Variants in ADAMTS18 observed in about 807,000 individuals in gnomAD.
The protein encoded by ADAMTS18 is A disintegrin and metalloproteinase with thrombospondin motifs 18.
A neutral mutation model predicts 165.9 loss-of-function variants in ADAMTS18; 157 were observed. The observed-to-expected ratio is 0.95, with a 90% CI of 0.83 to 1.08. The LOEUF (loss-of-function observed/expected upper bound fraction) is 1.08, where lower values mean the gene tolerates loss of function less well. Ranked by LOEUF, ADAMTS18 falls within the 50% of genes least tolerant of loss-of-function variation. The probability of loss-of-function intolerance (pLI) is 0.00; values close to 1 mark genes in which losing one functional copy is unlikely to be tolerated. For synonymous variants in ADAMTS18, 782 were observed against 578.2 expected (o/e 1.35, Z -5.06); for missense variants, 2,040 against 1,534.0 (o/e 1.33, Z -5.51).
At chr16:77,290,077 C>T (rs1045693901) in intron 21 of ADAMTS18, among the ~76,000 whole-genome samples, 16 of 152,014 alleles carry the variant, frequency 1.1e-4, no homozygotes, top group African/African-American at 3.9e-4. Flanking sequence ...AAAGTTACTA[C>T]ATTAATTTTT....
At chr16:77,367,152 AATCTAGGT>A (rs1179328398) in intron 4 of ADAMTS18, among the ~76,000 whole-genome samples, 2 of 152,138 alleles carry the variant, frequency 1.3e-5, no homozygotes, top group African/African-American at 4.8e-5. Context: ...TGTCATTGGA[AATCTAGGT>A]ACTTTTCTCG....
intron 20 of ADAMTS18, among the ~76,000 whole-genome samples, chr16:77,291,887 A>G (rs754065685): frequency 2.0e-5 from 3 of 152,222 alleles, no homozygotes; most frequent in Non-Finnish European, 2.9e-5. Flanking sequence ...GGTAAGGGCC[A>G]GAGAAAAGGA....
At chr16:77,326,823 G>A (rs548697572) in intron 12 of ADAMTS18, among the ~76,000 whole-genome samples, 2 of 152,288 alleles carry the variant, frequency 1.3e-5, no homozygotes, top group South Asian at 2.1e-4. Context: ...CATCACCCAG[G>A]TAATAAGCAT....
At chr16:77,385,008 C>G (rs1386967286) in intron 3 of ADAMTS18, among the ~76,000 whole-genome samples, 1 of 151,568 alleles carries the variant, frequency 6.6e-6, no homozygotes, top group Non-Finnish European at 1.5e-5. Context: ...TTCCCAGGTT[C>G]AAGCATTCTC....
chr16:77,283,893 C>G lies in ADAMTS18; in HGVS notation c.*63G>C, dbSNP rs1357543299. 19 of 1,288,734 alleles carry G rather than the reference C, an allele frequency of 1.5e-5. No homozygotes were observed. The highest frequency in any genetic ancestry group is 2.4e-5 in the South Asian group (2 of 84,278). 79.8% of individuals were successfully genotyped at this position (1,288,734 alleles called of 1,614,324 possible). A position where few individuals can be genotyped will look rare whatever the true frequency, so the allele number is the denominator to read the frequency against. ...GCTCAGCTCCTGGTCTCAAAGGCAG[C>G]TGGTCTCTCTAGAGGTTGAAAGGTA... On this transcript the variant is annotated 3_prime_UTR_variant, in exon 23 of 23. Transcript: ENST00000282849.
chr16:77,419,458 A>G (rs1025000301), intron 3 of ADAMTS18, among the ~76,000 whole-genome samples: 1 of 152,094 alleles, frequency 6.6e-6, no homozygotes, highest in Non-Finnish European at 1.5e-5. Flanking sequence ...AAAGTCCACA[A>G]TGGAGAATTT....
At chr16:77,361,582 G>T (rs1253477256) in intron 7 of ADAMTS18, among the ~76,000 whole-genome samples, 1 of 152,088 alleles carries the variant, frequency 6.6e-6, no homozygotes, top group Non-Finnish European at 1.5e-5. Flanking sequence ...TCATCAGTAG[G>T]ATCAATAAAG....
chr16:77,282,906 C>CTTTTTTTTTTTTTTTT lies in ADAMTS18; in HGVS notation c.*1034_*1049dup, dbSNP rs1555507097. 1 of 77,582 alleles carries CTTTTTTTTTTTTTTTT rather than the reference C, an allele frequency of 1.3e-5. No individual in the cohort carries two copies. Among genetic ancestry groups the CTTTTTTTTTTTTTTTT allele is most frequent in the African/African-American group, 4.1e-5 (1 of 24,644 alleles). The allele number at this position is 77,582 out of a possible 1,614,324, so 4.8% of individuals were successfully genotyped here. ...CCACTGTTTACTCCTTTCTTTCTCT[C>CTTTTTTTTTTTTTTTT]TTTTTTTTTTTTTTTTTTTTGCTGT... On this transcript the variant is annotated 3_prime_UTR_variant, in exon 23 of 23. Transcript: ENST00000282849.
At chr16:77,360,231 A>G (rs1228941474) in intron 7 of ADAMTS18, among the ~76,000 whole-genome samples, 2 of 152,226 alleles carry the variant, frequency 1.3e-5, no homozygotes. Flanking sequence ...GATCATTATC[A>G]TTACTACCAT....
chr16:77,333,738 T>C lies in ADAMTS18; in HGVS notation c.1859+2018A>G, dbSNP rs551914821. On this transcript the variant is annotated intron_variant, in intron 12 of 22. Transcript: ENST00000282849. ...ATAAGTAAAGAAAATATGGCACATA[T>C]CCATAATTGAACAGTGTGCCATGTT... 4.7e-5 allele frequency among the ~76,000 whole-genome samples: 7 copies of C among 150,442 alleles called. No individual in the cohort carries two copies. In the East Asian group the frequency reaches 1.4e-3, roughly 29 times the overall value.
At chr16:77,390,722 C>A (rs1407593341) in intron 3 of ADAMTS18, among the ~76,000 whole-genome samples, 3 of 151,686 alleles carry the variant, frequency 2.0e-5, no homozygotes, top group African/African-American at 7.3e-5. Flanking sequence ...AGAAGAATCA[C>A]CCAGCCCTGA....
chr16:77,378,843 A>C (rs1377833838), intron 3 of ADAMTS18: 1 of 152,332 alleles, frequency 6.6e-6, no homozygotes. Flanking sequence ...AGAAGTCAAG[A>C]AGTCTGGCCT....
chr16:77,391,148 T>C (rs897216549), intron 3 of ADAMTS18, among the ~76,000 whole-genome samples: 5 of 152,044 alleles, frequency 3.3e-5, no homozygotes, highest in Non-Finnish European at 1.5e-5. Context: ...GCACAAATAG[T>C]TTGGAAGAGA....
chr16:77,423,589 G>C (rs575195118), intron 3 of ADAMTS18, among the ~76,000 whole-genome samples: 5 of 152,140 alleles, frequency 3.3e-5, no homozygotes, highest in Non-Finnish European at 5.9e-5. Context: ...CCAGGATAAA[G>C]AGTTTTCCCT....
At chr16:77,351,369 A>G (rs1479166135) in intron 10 of ADAMTS18, among the ~76,000 whole-genome samples, 1 of 152,174 alleles carries the variant, frequency 6.6e-6, no homozygotes, top group Non-Finnish European at 1.5e-5. Flanking sequence ...GACCATCAGA[A>G]TGAGAAGCTG....
At chr16:77,287,611 A>G (rs993139848) in intron 22 of ADAMTS18, among the ~76,000 whole-genome samples, 2 of 152,046 alleles carry the variant, frequency 1.3e-5, no homozygotes, top group Non-Finnish European at 1.5e-5. Flanking sequence ...AGCTAGGCCT[A>G]CGGGCACCTG....
At chr16:77,304,307 A>T (rs1032943532) in intron 16 of ADAMTS18, among the ~76,000 whole-genome samples, 3 of 152,164 alleles carry the variant, frequency 2.0e-5, no homozygotes, top group Admixed American at 1.3e-4. Flanking sequence ...ATAAAATTTT[A>T]AAAAACTAGC....
At chr16:77,400,771 T>C (rs372493945) in intron 3 of ADAMTS18, among the ~76,000 whole-genome samples, 12 of 152,004 alleles carry the variant, frequency 7.9e-5, no homozygotes, top group African/African-American at 2.9e-4. Flanking sequence ...GCCTGGCCTC[T>C]CTGTGGTTCT....
Position 77,289,482 on chromosome 16 carries a change from C to T in ADAMTS18, c.3403-71G>A, listed in dbSNP as rs987493920. ...TCAGTGACATCAAACAGAAGGAATT[C>T]CCATGCTTCATGACATTAACAAGAT... is the stretch of plus-strand genomic sequence containing the variant. On this transcript the variant is annotated intron_variant, in intron 21 of 22. Transcript: ENST00000282849. 22 of 1,560,578 alleles carry T rather than the reference C, an allele frequency of 1.4e-5. 1 individual carries two copies. In the South Asian group the frequency reaches 2.3e-4, roughly 17 times the overall value.
Sources: gnomAD v4.1 joint callset for allele counts (sites outside exome capture counted in the v4.1 genomes callset) on GRCh38, gnomAD v4.1.1 for gene constraint, MANE v1.5 for transcripts, NCBI Gene and HGNC (gene_info 2026-07-23, HGNC 2026-07-21) for gene names.